The following PURG variants were observed in gnomAD, a reference collection of about 807,000 sequenced individuals.
The protein encoded by PURG is purine-rich element-binding protein gamma.
Under a neutral mutation model 24.3 loss-of-function variants are expected in PURG, and 3 were observed. That is an observed-to-expected ratio of 0.12 (90% confidence interval 0.06 to 0.32). The LOEUF (loss-of-function observed/expected upper bound fraction) is 0.32, where lower values mean the gene tolerates loss of function less well. Among genes scored for constraint, PURG ranks in the 10% least tolerant of loss-of-function variants. The pLI is 1.00. For synonymous variants in PURG, 180 were observed against 173.1 expected (o/e 1.04, Z -0.31); for missense variants, 371 against 439.1 (o/e 0.84, Z 1.39).
chr8:31,024,178 A>G (rs1027703534), intron 1 of PURG, among the ~76,000 whole-genome samples: 1 of 152,226 alleles, frequency 6.6e-6, no homozygotes, highest in African/African-American at 2.4e-5. Flanking sequence ...TACATATTAT[A>G]AAACTGACAT....
intron 1 of PURG, among the ~76,000 whole-genome samples, chr8:31,013,316 T>C (rs1161886931): frequency 2.0e-5 from 3 of 152,210 alleles, no homozygotes; most frequent in Admixed American, 1.3e-4. Flanking sequence ...AAACTAACTT[T>C]AGTCATTATA....
rs141154715 is a variant in PURG, at chr8:31,019,535, G to A, written c.864+12384C>T. On this transcript the variant is annotated intron_variant, in intron 1 of 1. Transcript: ENST00000339382. ...TTTAGTAGAGACGGGGTTTCACTATGTAGGTCAAGCTGATCTTGAACTCCT... is the reference window on the plus strand; with the variant it reads ...TTTAGTAGAGACGGGGTTTCACTATATAGGTCAAGCTGATCTTGAACTCCT... 2.1e-3 allele frequency among the ~76,000 whole-genome samples: 318 copies of A among 151,416 alleles called. 4 individuals carry two copies. Among genetic ancestry groups the A allele is most frequent in the African/African-American group, 7.4e-3 (304 of 41,340 alleles).
At chr8:31,021,302 T>C (rs1266732470) in intron 1 of PURG, among the ~76,000 whole-genome samples, 2 of 152,214 alleles carry the variant, frequency 1.3e-5, no homozygotes, top group Non-Finnish European at 2.9e-5. Flanking sequence ...CCATGGTGAA[T>C]AGTAATTTGT....
downstream of PURG, among the ~76,000 whole-genome samples, chr8:31,028,525 T>C (rs1811130374): frequency 6.6e-6 from 1 of 151,828 alleles, no homozygotes; most frequent in East Asian, 1.9e-4. Flanking sequence ...ATTCTCATAT[T>C]AGAACCAATT....
At chr8:31,023,859 T>C (rs754331031) in intron 1 of PURG, among the ~76,000 whole-genome samples, 1 of 152,186 alleles carries the variant, frequency 6.6e-6, no homozygotes, top group African/African-American at 2.4e-5. Context: ...CCATGACAGC[T>C]GCAGTATTAT....
chr8:31,004,777 C>T (rs913368348), intron 1 of PURG, among the ~76,000 whole-genome samples: 7 of 152,176 alleles, frequency 4.6e-5, no homozygotes, highest in South Asian at 2.1e-4. Context: ...CATAGGTTTA[C>T]GGCTATTACA....
chr8:31,010,215 A>G (rs1287413512), intron 1 of PURG, among the ~76,000 whole-genome samples: 1 of 152,260 alleles, frequency 6.6e-6, no homozygotes, highest in Non-Finnish European at 1.5e-5. Context: ...CCTCTAAACG[A>G]TATCACTTTT....
intron 1 of PURG, among the ~76,000 whole-genome samples, chr8:31,005,376 C>A (rs966370612): frequency 1.3e-5 from 2 of 149,930 alleles, no homozygotes; most frequent in Non-Finnish European, 3.0e-5. Flanking sequence ...GGGGTTGCAG[C>A]GAGCTGAGAT....
At chr8:31,002,243 A>T (rs4733219) in intron 1 of PURG, among the ~76,000 whole-genome samples, 3 of 152,100 alleles carry the variant, frequency 2.0e-5, no homozygotes, top group African/African-American at 7.2e-5. Context: ...TTGAATACCG[A>T]GAGGTAAGAC....
chr8:31,028,924 C>A (rs1409923798), downstream of PURG, among the ~76,000 whole-genome samples: 1 of 151,800 alleles, frequency 6.6e-6, no homozygotes, highest in Non-Finnish European at 1.5e-5. Context: ...CTTTCATGCT[C>A]ATTTTTTAAC....
chr8:31,032,856 C>T lies in PURG; in HGVS notation c.-6-68G>A. 1.7e-6 allele frequency: 2 copies of T among 1,174,796 alleles called. No homozygotes were observed. Among genetic ancestry groups the T allele is most frequent in the South Asian group, 8.6e-5 (2 of 23,376 alleles). 72.8% of individuals were successfully genotyped at this position (1,174,796 alleles called of 1,614,324 possible). On this transcript the variant is annotated intron_variant, in intron 1 of 1. Coordinates refer to ENST00000523392, the MANE Select transcript of PURG (RefSeq NM_001323311.2). The surrounding 1 kb of genome is among the most constrained non-coding windows in gnomAD (Gnocchi z 5.9). The stretch of plus-strand genomic sequence containing the variant: ...GTGTTGAGAACAATCGCAGACGCCC[C>T]TCGGCCTGACCGCCCCGCCGCCGCC...
At chr8:31,030,374 A>G (rs1811170231), downstream of PURG, among the ~76,000 whole-genome samples, 1 of 152,028 alleles carries the variant, frequency 6.6e-6, no homozygotes, top group Admixed American at 6.5e-5. Flanking sequence ...AGAAGAAAAT[A>G]TAGCTGAATA....
At chr8:30,999,910 T>C (rs1810503184) in intron 1 of PURG, among the ~76,000 whole-genome samples, 1 of 152,000 alleles carries the variant, frequency 6.6e-6, no homozygotes, top group Non-Finnish European at 1.5e-5. Context: ...CGTGACGGTT[T>C]GTTTAGGCGA....
At chr8:31,025,548 A>G (rs547183146) in intron 1 of PURG, among the ~76,000 whole-genome samples, 1 of 151,984 alleles carries the variant, frequency 6.6e-6, no homozygotes, top group South Asian at 2.1e-4. Flanking sequence ...CTCAACCCAC[A>G]TTTTTAAAGA....
downstream of PURG, among the ~76,000 whole-genome samples, chr8:31,029,448 A>C (rs1811148636): frequency 6.6e-6 from 1 of 151,816 alleles, no homozygotes. Context: ...TTTATCTTTA[A>C]GTCTGACATG....
At chr8:30,998,374 T>C (rs1280428365) in intron 1 of PURG, among the ~76,000 whole-genome samples, 3 of 151,812 alleles carry the variant, frequency 2.0e-5, no homozygotes, top group Non-Finnish European at 3.0e-5. Context: ...AAGAATAATT[T>C]AAGGGATTTT....
chr8:30,996,382 C>A (rs892435516), exon 2 of PURG: 2 of 372,876 alleles, frequency 5.4e-6, no homozygotes. Flanking sequence ...AAAAACAAAA[C>A]CCAAAAACTG....
chr8:31,011,392 A>G (rs1267185052), intron 1 of PURG, among the ~76,000 whole-genome samples: 1 of 152,214 alleles, frequency 6.6e-6, no homozygotes, highest in Non-Finnish European at 1.5e-5. Context: ...GAAACAGAAT[A>G]GTTATTTTCA....
chr8:31,019,078 C>T (rs1361676804), intron 1 of PURG, among the ~76,000 whole-genome samples: 3 of 111,582 alleles, frequency 2.7e-5, no homozygotes, highest in African/African-American at 3.5e-5. Context: ...GAGCCGAGAT[C>T]GCGCCACTGC....
Sources: allele counts gnomAD v4.1 joint callset (sites outside exome capture counted in the v4.1 genomes callset), GRCh38; gene constraint gnomAD v4.1.1; non-coding constraint Gnocchi (gnomAD v3.1); transcripts MANE v1.5; gene names NCBI Gene and HGNC (gene_info 2026-07-23, HGNC 2026-07-21).